RMND5B: variants seen among roughly 807,000 people sequenced by gnomAD.
The protein encoded by RMND5B is E3 ubiquitin-protein transferase RMND5B.
Under a neutral mutation model 50.4 loss-of-function variants are expected in RMND5B, and 42 were observed. The ratio of observed to expected loss-of-function variants is 0.83; its 90% CI spans 0.65 to 1.08. The LOEUF (loss-of-function observed/expected upper bound fraction) is 1.08. Among genes scored for constraint, RMND5B ranks in the 50% least tolerant of loss-of-function variants. The pLI, the probability that RMND5B is intolerant of heterozygous loss-of-function variation, is 0.00. For synonymous variants in RMND5B, 220 were observed against 210.0 expected, an observed-to-expected ratio of 1.05 and a Z score of -0.41; for missense variants, 463 against 508.5, an observed-to-expected ratio of 0.91 and a Z score of 0.86.
In RMND5B at chr5:178,146,299, G is replaced by T. The variant is rs2113444211; in HGVS notation, c.860+20G>T. 1 of 1,609,944 alleles carries T rather than the reference G, an allele frequency of 6.2e-7. No homozygotes were observed. Among genetic ancestry groups the T allele is most frequent in the East Asian group, 2.2e-5 (1 of 44,808 alleles). On this transcript the variant is annotated intron_variant, in intron 8 of 10. Transcript: ENST00000313386. ...CGTCAGGTACAACCCAGCCCTGTGA[G>T]GGCAGCACAGGTGGGAGGGTAGAGA...
intron 8 of RMND5B, chr5:178,146,593 C>A: frequency 3.4e-6 from 1 of 290,310 alleles, no homozygotes; most frequent in South Asian, 6.3e-5. Context: ...CTAACCCACG[C>A]CCCTCTGCAG....
rs141085294 is a variant in RMND5B at position 178,148,033 on chromosome 5, T to G, written c.*1T>G. Reference sequence around the variant, plus strand: ...AGATGGGAAACGCATCATATTCTGATTCCTACCTGGAAGGAATTTTGTTGA... The same window carrying G: ...AGATGGGAAACGCATCATATTCTGAGTCCTACCTGGAAGGAATTTTGTTGA... On this transcript the variant is annotated 3_prime_UTR_variant, in exon 11 of 11. Coordinates refer to ENST00000313386, the MANE Select transcript of RMND5B (RefSeq NM_022762.5). 1 of 1,614,032 alleles carries G rather than the reference T, an allele frequency of 6.2e-7. No individual in the cohort carries two copies. The highest frequency in any genetic ancestry group is 8.5e-7 in the Non-Finnish European group (1 of 1,179,952).
At chr5:178,131,832 G>C (rs1758326618) in intron 2 of RMND5B, among the ~76,000 whole-genome samples, 13 of 152,176 alleles carry the variant, frequency 8.5e-5, no homozygotes, top group Admixed American at 8.5e-4. Flanking sequence ...AGCTAGTGTG[G>C]CTAAAGTATG....
At chr5:178,132,130 T>C (rs1358743051) in intron 2 of RMND5B, among the ~76,000 whole-genome samples, 1 of 151,930 alleles carries the variant, frequency 6.6e-6, no homozygotes, top group Non-Finnish European at 1.5e-5. Context: ...CTGGCCAACA[T>C]GGTGAAACCC....
At chr5:178,132,300 G>T (rs551947392) in intron 2 of RMND5B, among the ~76,000 whole-genome samples, 3 of 152,094 alleles carry the variant, frequency 2.0e-5, no homozygotes, top group Non-Finnish European at 4.4e-5. Flanking sequence ...ATTTAGCCGG[G>T]TGTGGTGGCA....
At position 178,138,070 on chromosome 5, in the gene RMND5B, T is replaced by TGGCCCAGATG; in HGVS notation, c.-12-35_-12-26dup. The TGGCCCAGATG allele has an allele frequency of 6.5e-7, 1 of 1,543,420 alleles. No homozygotes were observed. Among genetic ancestry groups the TGGCCCAGATG allele is most frequent in the Non-Finnish European group, 8.7e-7 (1 of 1,144,122 alleles). On this transcript the variant is annotated intron_variant, in intron 2 of 10. Transcript: ENST00000313386. The surrounding 1 kb of genome is among the most constrained non-coding windows in gnomAD (Gnocchi z 5.1). ...GGGCACCCTGCCTGCCATGCCACCGTGGCCCAGATGGGGCCTGACCCAGCT... is the reference window on the plus strand; with the variant it reads ...GGGCACCCTGCCTGCCATGCCACCGTGGCCCAGATGGGCCCAGATGGGGCCTGACCCAGCT...
rs1210633609 is a variant in RMND5B, at chr5:178,147,567, A to C, written c.895A>C (p.Met299Leu). ...TGGCTGTGTGGCGCTGCCTGTGTTG[A>C]TGAACATCAAGGCTGTGATTGAGCA... ...ASGCVALPVLMNIKAVIEQRQ... is the reference protein window; with the variant it reads ...ASGCVALPVLLNIKAVIEQRQ... Residue 299 changes from methionine to leucine, a missense_variant, in exon 9 of 11, where the codon ATG (methionine) becomes CTG (leucine). Coordinates refer to ENST00000313386, the MANE Select transcript of RMND5B (RefSeq NM_022762.5). The C allele has an allele frequency of 1.2e-6, 2 of 1,614,012 alleles. No individual in the cohort carries two copies. The highest frequency in any genetic ancestry group is 1.7e-6 in the Non-Finnish European group (2 of 1,180,000).
rs1051213145 is a variant in RMND5B, at chr5:178,147,737, T to C, written c.972T>C (p.Ile324=). Residue 324 remains isoleucine, a synonymous_variant, in exon 10 of 11, where the codon ATT becomes ATC. Transcript: ENST00000313386. ...WNHKDELPIE[I]ELGMKCWYHS... ...TTCGCTGCCCTTCCCAGATTGAGAT[T>C]GAACTAGGCATGAAGTGCTGGTACC... is the stretch of plus-strand genomic sequence containing the variant. 4 of 1,614,038 alleles carry C rather than the reference T, an allele frequency of 2.5e-6. No individual in the cohort carries two copies. In the Admixed American group the frequency reaches 5.0e-5, roughly 20 times the overall value.
chr5:178,139,130 G>A (rs769688638), intron 3 of RMND5B, among the ~76,000 whole-genome samples: 1 of 151,860 alleles, frequency 6.6e-6, no homozygotes, highest in Admixed American at 6.6e-5. Context: ...AGCAAGACTC[G>A]TCTCAAAAAA....
chr5:178,133,080 G>A lies in RMND5B; in HGVS notation c.-13+1704G>A, dbSNP rs539581141. Among the ~76,000 whole-genome samples the A allele has an allele frequency of 1.3e-4, 20 of 151,936 alleles. No homozygotes were observed. In the East Asian group the frequency reaches 3.9e-3, roughly 30 times the overall value. On this transcript the variant is annotated intron_variant, in intron 2 of 10. Coordinates refer to ENST00000313386, the MANE Select transcript of RMND5B (RefSeq NM_022762.5). ...GGGTTTCGCCATGTTGGTCAGGCTG[G>A]TCTCAAACTCCTGACCTTGTGATCC... is the stretch of plus-strand genomic sequence containing the variant.
At chr5:178,135,361 A>C (rs1335085066) in intron 2 of RMND5B, 3 of 171,434 alleles carry the variant, frequency 1.7e-5, no homozygotes, top group African/African-American at 7.2e-5. Context: ...TGAGCTCAGC[A>C]GTCTGCCTGC....
At chr5:178,136,206 T>C (rs370489202) in intron 2 of RMND5B, 3 of 152,214 alleles carry the variant, frequency 2.0e-5, no homozygotes, top group Admixed American at 6.5e-5. Flanking sequence ...GCAAAGTGGG[T>C]CTAATCATTG....
chr5:178,145,896 C>T, intron 7 of RMND5B: 1 of 545,990 alleles, frequency 1.8e-6, no homozygotes, highest in Non-Finnish European at 3.3e-6. Context: ...TTAGTAATGC[C>T]TGTTCTCATC....
At chr5:178,146,430 T>A in intron 8 of RMND5B, 151 bp downstream of exon 8, 1 of 698,482 alleles carries the variant, frequency 1.4e-6, no homozygotes, top group Non-Finnish European at 2.3e-6. Context: ...AGGAATTACC[T>A]GTTTTTACAG....
In RMND5B at chr5:178,149,712, C is replaced by T. The variant is rs1384496361; in HGVS notation, c.*1680C>T. The T allele has an allele frequency of 6.2e-7, 1 of 1,613,704 alleles. No individual in the cohort carries two copies. On this transcript the variant is annotated 3_prime_UTR_variant, in exon 11 of 11. Coordinates refer to ENST00000313386, the MANE Select transcript of RMND5B (RefSeq NM_022762.5). The stretch of plus-strand genomic sequence containing the variant: ...AGGTGCCCAGGTGCTACCGGAGCCC[C>T]TCATAGGGGTAGGGGCAGGGACTGC...
At chr5:178,146,897 C>CTT (rs1477288278) in intron 8 of RMND5B, 1 of 157,532 alleles carries the variant, frequency 6.3e-6, no homozygotes, top group East Asian at 1.9e-4. Flanking sequence ...TTGATGGTGT[C>CTT]TGAGTACAGC....
chr5:178,135,030 T>A (rs1206445871), intron 2 of RMND5B: 1 of 152,930 alleles, frequency 6.5e-6, no homozygotes, highest in Admixed American at 6.5e-5. Flanking sequence ...CATGATACAT[T>A]TAACTGGTCC....
At position 178,144,105 on chromosome 5, in the gene RMND5B, C is replaced by T. The variant is rs368667116; in HGVS notation, c.691C>T (p.Arg231Trp). The T allele has an allele frequency of 2.2e-5, 35 of 1,612,554 alleles. No individual in the cohort carries two copies. The highest frequency in any genetic ancestry group is 1.7e-4 in the Admixed American group (10 of 59,966). Residue 231 changes from arginine (R) to tryptophan (W), a missense_variant, in exon 7 of 11, where the codon CGG becomes TGG. Arg to Trp is a moderately radical substitution (Grantham distance 101). Coordinates refer to ENST00000313386, the MANE Select transcript of RMND5B (RefSeq NM_022762.5). ...CCAGCCCTTTGCTCGGCTGCACCAGCGGGGTGAGTGCCCAGGCAGCTGGGG... is the reference window on the plus strand; with the variant it reads ...CCAGCCCTTTGCTCGGCTGCACCAGTGGGGTGAGTGCCCAGGCAGCTGGGG... Reference protein sequence around the residue: ...HFQPFARLHQREIQVMMGSLV... With the variant: ...HFQPFARLHQWEIQVMMGSLV...
chr5:178,144,674 G>A (rs1227239691), intron 7 of RMND5B, among the ~76,000 whole-genome samples: 2 of 148,594 alleles, frequency 1.3e-5, no homozygotes, highest in East Asian at 4.0e-4. Flanking sequence ...GAGCTTGATC[G>A]CGCCACTGCA....
Sources: gnomAD v4.1 joint callset for allele counts (sites outside exome capture counted in the v4.1 genomes callset) on GRCh38, gnomAD v4.1.1 for gene constraint, Gnocchi (gnomAD v3.1) non-coding constraint, MANE v1.5 for transcripts, NCBI Gene and HGNC (gene_info 2026-07-23, HGNC 2026-07-21) for gene names.